Variants in PRORP observed in about 807,000 individuals in gnomAD.
The protein encoded by PRORP is protein only RNase P catalytic subunit.
In PRORP, 51 loss-of-function variants were observed where a neutral mutation model predicts 59.4. The observed-to-expected ratio is 0.86, with a 90% confidence interval of 0.69 to 1.08. The LOEUF is 1.08. PRORP is among the 50% of genes least tolerant of loss of function. PRORP has a pLI of 0.00. For missense variants in PRORP, 646 were observed against 690.3 expected (o/e 0.94, Z 0.72); for synonymous variants, 231 against 245.6 (o/e 0.94, Z 0.55).
At chr14:35,198,127 G>T (rs1180719202) in intron 5 of PRORP, among the ~76,000 whole-genome samples, 1 of 152,180 alleles carries the variant, frequency 6.6e-6, no homozygotes, top group African/African-American at 2.4e-5. Context: ...AAATTTGAAG[G>T]AACACCCAAT....
Position 35,166,287 on chromosome 14 carries a change from T to C in PRORP, c.1168-14383T>C, listed in dbSNP as rs555467753. Among the ~76,000 whole-genome samples the C allele has an allele frequency of 4.8e-4, 73 of 152,256 alleles. 1 individual carries two copies. The highest frequency in any genetic ancestry group is 4.8e-3 in the Admixed American group (73 of 15,292). On this transcript the variant is annotated intron_variant, in intron 4 of 7. Coordinates refer to ENST00000534898, the MANE Select transcript of PRORP (RefSeq NM_014672.4). ...TTCTGCTGTTGCATTTTTTTTCATT[T>C]CTATTTTATTTTTGGATCTCTTTGC...
intron 5 of PRORP, chr14:35,262,900 G>A (rs1477560888): frequency 5.8e-6 from 9 of 1,562,308 alleles, no homozygotes; most frequent in Non-Finnish European, 7.9e-6. Context: ...ATCCTTGAAG[G>A]TAATGACATT....
chr14:35,273,600 G>C lies in PRORP; in HGVS notation c.*34G>C. ...ACCTCTATGCTAAGTTTGTGTTTGG[G>C]TACCCTCTAGGTTGGCATCAGAGGC... On this transcript the variant is annotated 3_prime_UTR_variant, in exon 8 of 8. Coordinates refer to ENST00000534898, the MANE Select transcript of PRORP (RefSeq NM_014672.4). The C allele has an allele frequency of 1.2e-6, 2 of 1,600,116 alleles. No homozygotes were observed. Among genetic ancestry groups the C allele is most frequent in the Non-Finnish European group, 1.7e-6 (2 of 1,173,356 alleles).
At chr14:35,180,548 G>GTGTGTGTGTGTGTGTGTGTGTGTGTGTA in intron 4 of PRORP, 122 bp from the exon 5 acceptor site, 1 of 614,778 alleles carries the variant, frequency 1.6e-6, no homozygotes, top group South Asian at 2.0e-5. Flanking sequence ...GTGTGTGTGT[G>GTGTGTGTGTGTGTGTGTGTGTGTGTGTA]TGTATTTTTA....
intron 5 of PRORP, among the ~76,000 whole-genome samples, chr14:35,184,577 A>G (rs2048697422): frequency 6.6e-6 from 1 of 152,152 alleles, no homozygotes. Context: ...ACATACATAA[A>G]CATTTGTCAA....
intron 4 of PRORP, among the ~76,000 whole-genome samples, chr14:35,168,108 TCTTA>T (rs1326219639): frequency 2.0e-5 from 3 of 152,224 alleles, no homozygotes; most frequent in Admixed American, 2.0e-4. Flanking sequence ...GTGTGTATTT[TCTTA>T]CTTCTTCTGT....
At chr14:35,255,177 G>C (rs1310820749) in intron 5 of PRORP, among the ~76,000 whole-genome samples, 1 of 152,154 alleles carries the variant, frequency 6.6e-6, no homozygotes, top group Non-Finnish European at 1.5e-5. Context: ...TCCCAGGCTG[G>C]AGTGCAGTGG....
chr14:35,186,769 A>G (rs1210152684), intron 5 of PRORP, among the ~76,000 whole-genome samples: 4 of 151,332 alleles, frequency 2.6e-5, no homozygotes, highest in Admixed American at 1.3e-4. Flanking sequence ...TTTTATTATT[A>G]TTATTATTAT....
chr14:35,169,835 A>G (rs1002494208), intron 4 of PRORP, among the ~76,000 whole-genome samples: 1 of 152,218 alleles, frequency 6.6e-6, no homozygotes, highest in African/African-American at 2.4e-5. Flanking sequence ...ATTGTTGGGC[A>G]TAGTGTCCTA....
chr14:35,203,906 T>C (rs2049224725), intron 5 of PRORP, among the ~76,000 whole-genome samples: 1 of 152,224 alleles, frequency 6.6e-6, no homozygotes, highest in African/African-American at 2.4e-5. Context: ...ATTTTATTAT[T>C]GCATTGAGGC....
At chr14:35,124,317 G>A (rs2047036123) in intron 2 of PRORP, 86 bp downstream of exon 2, 2 of 861,568 alleles carry the variant, frequency 2.3e-6, no homozygotes, top group Non-Finnish European at 3.4e-6. Context: ...GCCCAGACTG[G>A]AGTGCAGTGG....
At chr14:35,258,853 C>T (rs1051328550) in intron 5 of PRORP, among the ~76,000 whole-genome samples, 1 of 152,220 alleles carries the variant, frequency 6.6e-6, no homozygotes, top group Non-Finnish European at 1.5e-5. Flanking sequence ...ATTACCATAG[C>T]TGTATAAGAA....
intron 5 of PRORP, among the ~76,000 whole-genome samples, chr14:35,248,557 TCTG>T (rs1360350350): frequency 6.6e-6 from 1 of 152,232 alleles, no homozygotes; most frequent in Non-Finnish European, 1.5e-5. Context: ...TCTTTCTCTC[TCTG>T]CAAGCAGCAA....
chr14:35,127,408 T>A, intron 3 of PRORP, 71 bp from the exon 4 acceptor site: 1 of 1,158,042 alleles, frequency 8.6e-7, no homozygotes, highest in Non-Finnish European at 1.2e-6. Flanking sequence ...CATTGTTCAT[T>A]TCACAAATTT....
At chr14:35,168,039 G>A (rs371475010) in intron 4 of PRORP, among the ~76,000 whole-genome samples, 2 of 152,036 alleles carry the variant, frequency 1.3e-5, no homozygotes, top group African/African-American at 4.8e-5. Flanking sequence ...AATTGTTTTC[G>A]GTTTTTGGCA....
intron 4 of PRORP, among the ~76,000 whole-genome samples, chr14:35,167,263 G>A (rs1489859181): frequency 1.3e-5 from 2 of 152,198 alleles, no homozygotes; most frequent in Non-Finnish European, 2.9e-5. Context: ...TTGCTTGAGA[G>A]ATGTTTGACA....
intron 5 of PRORP, among the ~76,000 whole-genome samples, chr14:35,188,550 T>C (rs2048801321): frequency 6.6e-6 from 1 of 152,126 alleles, no homozygotes; most frequent in Non-Finnish European, 1.5e-5. Flanking sequence ...AATCTCTAAG[T>C]ATTTTCTCCC....
At chr14:35,151,637 C>CAT (rs1229307627) in intron 4 of PRORP, among the ~76,000 whole-genome samples, 1 of 111,878 alleles carries the variant, frequency 8.9e-6, no homozygotes, top group Non-Finnish European at 1.9e-5. Flanking sequence ...TACACACACA[C>CAT]ATACACACAC....
chr14:35,270,343 C>T, intron 6 of PRORP, 58 bp from the exon 7 acceptor site: 1 of 1,520,788 alleles, frequency 6.6e-7, no homozygotes, highest in Non-Finnish European at 9.0e-7. Flanking sequence ...CGGTGAAAAA[C>T]ACTGTCCTCT....
Sources: allele counts gnomAD v4.1 joint callset (sites outside exome capture counted in the v4.1 genomes callset), GRCh38; gene constraint gnomAD v4.1.1; transcripts MANE v1.5; gene names NCBI Gene and HGNC (gene_info 2026-07-23, HGNC 2026-07-21).